The following MYORG variants were observed in gnomAD, a reference collection of about 807,000 sequenced individuals.
MYORG encodes alpha-galactosidase MYORG.
Under a neutral mutation model 49.8 loss-of-function variants are expected in MYORG, and 45 were observed. The observed-to-expected ratio is 0.90, with a 90% CI of 0.71 to 1.16. The LOEUF (loss-of-function observed/expected upper bound fraction) is 1.16, where lower values mean the gene tolerates loss of function less well. Ranked by LOEUF, MYORG falls within the 50% of genes most tolerant of loss-of-function variation. The pLI is 0.00. For missense variants in MYORG, 1,110 were observed against 1,026.5 expected (o/e 1.08, Z -1.11); for synonymous variants, 552 against 462.9 (o/e 1.19, Z -2.47).
In MYORG at chr9:34,369,209, C is replaced by T. The variant is rs1369549198; in HGVS notation, c.*1590G>A. Reference sequence around the variant, plus strand: ...GTTTTAGGTGGGGACACAGCCAAACCATATCAGGTGGGGAAACGGATGCAT... The same window carrying T: ...GTTTTAGGTGGGGACACAGCCAAACTATATCAGGTGGGGAAACGGATGCAT... On this transcript the variant is annotated 3_prime_UTR_variant, in exon 2 of 2. Transcript: ENST00000297625. 2.6e-5 allele frequency: 4 copies of T among 152,142 alleles called. No homozygotes were observed. The highest frequency in any genetic ancestry group is 9.7e-5 in the African/African-American group (4 of 41,408). 9.4% of individuals were successfully genotyped at this position (152,142 alleles called of 1,614,324 possible).
rs746522463 is a variant in MYORG at position 34,368,163 on chromosome 9, T to C, written c.*2636A>G. ...GCTGGGATGCATGGTACCAAGTCCC[T>C]GGGCTGCACACAGCAAGGGGACCTT... is the stretch of plus-strand genomic sequence containing the variant. On this transcript the variant is annotated 3_prime_UTR_variant, in exon 2 of 2. Transcript: ENST00000297625. 2.0e-5 allele frequency: 3 copies of C among 152,290 alleles called. No homozygotes were observed. In the East Asian group the frequency reaches 5.8e-4, roughly 29 times the overall value. 9.4% of individuals were successfully genotyped at this position (152,290 alleles called of 1,614,324 possible). A position where few individuals can be genotyped will look rare whatever the true frequency, so the allele number is the denominator to read the frequency against.
In MYORG at chr9:34,372,551, CAGGGCGCCATCGCGGCTGCA is replaced by C; in HGVS notation, c.373_392del (p.Cys125AlafsTer110). The C allele has an allele frequency of 1.2e-6, 2 of 1,602,288 alleles. No individual in the cohort carries two copies. Among genetic ancestry groups the C allele is most frequent in the Non-Finnish European group, 1.7e-6 (2 of 1,175,242 alleles). ...CGTCGGCCGTGAGCGAGCAGCCCAG[CAGGGCGCCATCGCGGCTGCA>C]GGAGTCAAGGTCCAGCGCGCCGGAG... On this transcript the variant is annotated frameshift_variant, in exon 2 of 2. Coordinates refer to ENST00000297625, the MANE Select transcript of MYORG (RefSeq NM_020702.5). LOFTEE classifies it high-confidence loss of function.
At chr9:34,374,216 G>T (rs564174575) in intron 1 of MYORG, among the ~76,000 whole-genome samples, 16 of 152,258 alleles carry the variant, frequency 1.1e-4, no homozygotes, top group Admixed American at 5.9e-4. Flanking sequence ...AGGCCTCTCT[G>T]ACTCTAACTT....
chr9:34,370,602 T>C lies in MYORG; in HGVS notation c.*197A>G. 2 of 941,054 alleles carry C rather than the reference T, an allele frequency of 2.1e-6. No homozygotes were observed. The highest frequency in any genetic ancestry group is 1.7e-5 in the African/African-American group (1 of 60,550). 58.3% of individuals were successfully genotyped at this position (941,054 alleles called of 1,614,324 possible). ...AAAGGGCACAGTAAGGATTGTGCGT[T>C]GGAGCAGGAGATTGCTTCAGTGCCC... On this transcript the variant is annotated 3_prime_UTR_variant, in exon 2 of 2. Transcript: ENST00000297625.
rs1238462804 is a variant in MYORG at position 34,372,071 on chromosome 9, G to A, written c.873C>T (p.Ser291=). ...AGCGACGCACCATGTACTTGTGGAT[G>A]GAGGTGACGTCTGAGCCCACGCACA... ...YRVCVGSDVT[S]IHKYMVRRYF... is the part of the protein sequence containing the mutation. Residue 291 remains serine, a synonymous_variant, in exon 2 of 2, where the codon TCC becomes TCT. Coordinates refer to ENST00000297625, the MANE Select transcript of MYORG (RefSeq NM_020702.5). 6.2e-7 allele frequency: 1 copy of A among 1,613,726 alleles called. No individual in the cohort carries two copies. Among genetic ancestry groups the A allele is most frequent in the South Asian group, 1.1e-5 (1 of 91,090 alleles).
In MYORG at chr9:34,371,496, G is replaced by A; in HGVS notation, c.1448C>T (p.Pro483Leu). ...DFSTYRPLPDPSVWSRRYTEM... is the reference protein window; with the variant it reads ...DFSTYRPLPDLSVWSRRYTEM... ...AGTGTAGCGCCGGCTCCAGACGCTG[G>A]GGTCCGGCAGCGGCCGGTAGGTGCT... The change falls in exon 2 of 2, where the codon CCC becomes CTC. Residue 483 changes from proline (P) to leucine (L), a missense_variant. By Grantham distance (98) the Pro-to-Leu change is moderately conservative. Coordinates refer to ENST00000297625, the MANE Select transcript of MYORG (RefSeq NM_020702.5). 1 of 1,611,180 alleles carries A rather than the reference G, an allele frequency of 6.2e-7. No homozygotes were observed. The highest frequency in any genetic ancestry group is 8.5e-7 in the Non-Finnish European group (1 of 1,179,708).
rs1431335766 is a variant in MYORG at position 34,372,726 on chromosome 9, A to T, written c.218T>A (p.Val73Glu). The change falls in exon 2 of 2, where the codon GTG becomes GAG. Residue 73 changes from valine (V) to glutamate (E), a missense_variant. Val to Glu is a moderately radical substitution (Grantham distance 121). Coordinates refer to ENST00000297625, the MANE Select transcript of MYORG (RefSeq NM_020702.5). ...LGLLLVLAAV[V>E]AWCYYSVSLR... ...GGAGACGCTGTAGTAGCACCAGGCC[A>T]CCACCGCGGCCAGCACAAGCAGCAG... 3 of 1,613,332 alleles carry T rather than the reference A, an allele frequency of 1.9e-6. No individual in the cohort carries two copies. Among genetic ancestry groups the T allele is most frequent in the Non-Finnish European group, 1.7e-6 (2 of 1,179,644 alleles).
Position 34,372,032 on chromosome 9 carries a change from C to A in MYORG, c.912G>T (p.Pro304=). 6.2e-7 allele frequency: 1 copy of A among 1,613,976 alleles called. No individual in the cohort carries two copies. Among genetic ancestry groups the A allele is most frequent in the Non-Finnish European group, 8.5e-7 (1 of 1,179,872 alleles). ...AGGCCTCGGGTGCTGGCACCCTTGA[C>A]GGCTTGTTGAAGTAGCGACGCACCA... ...KYMVRRYFNK[P]SRVPAPEAFR... is the part of the protein sequence containing the mutation. Residue 304 remains proline (P), a synonymous_variant, in exon 2 of 2, where the codon CCG becomes CCT. Coordinates refer to ENST00000297625, the MANE Select transcript of MYORG (RefSeq NM_020702.5).
In MYORG at chr9:34,371,004, G is replaced by A. The variant is rs1434900067; in HGVS notation, c.1940C>T (p.Ala647Val). 3 of 1,613,390 alleles carry A rather than the reference G, an allele frequency of 1.9e-6. No homozygotes were observed. Among genetic ancestry groups the A allele is most frequent in the South Asian group, 1.1e-5 (1 of 91,090 alleles). The change falls in exon 2 of 2, where the codon GCT becomes GTT. Residue 647 changes from alanine (A) to valine (V), a missense_variant. Physicochemically the swap from Ala to Val is moderately conservative, Grantham distance 64 (BLOSUM62 0). Transcript: ENST00000297625. Reference protein sequence around the residue: ...LWWIAPGDETAHRIDSQFLIG... With the variant: ...LWWIAPGDETVHRIDSQFLIG... ...AAGGAACTGCGAGTCGATACGGTGA[G>A]CTGTCTCGTCGCCGGGCGCAATCCA... is the stretch of plus-strand genomic sequence containing the variant.
At position 34,372,348 on chromosome 9, in the gene MYORG, C is replaced by A. The variant is rs754820750; in HGVS notation, c.596G>T (p.Arg199Leu). 1.3e-6 allele frequency: 2 copies of A among 1,599,696 alleles called. No homozygotes were observed. Among genetic ancestry groups the A allele is most frequent in the Admixed American group, 1.7e-5 (1 of 58,026 alleles). ...AEMRTQHWPI[R>L]LDGQQEPQPF... ...CTGGGGCTCCTGCTGGCCATCCAGG[C>A]GGATGGGCCAGTGTTGCGTCCTCAT... The change falls in exon 2 of 2, where the codon CGC becomes CTC. Residue 199 changes from arginine to leucine, a missense_variant. Arg to Leu is a moderately radical substitution (Grantham distance 102). Coordinates refer to ENST00000297625, the MANE Select transcript of MYORG (RefSeq NM_020702.5).
Position 34,372,209 on chromosome 9 carries a change from G to C in MYORG, c.735C>G (p.Phe245Leu). 2.5e-6 allele frequency: 4 copies of C among 1,611,966 alleles called. No individual in the cohort carries two copies. Among genetic ancestry groups the C allele is most frequent in the Non-Finnish European group, 3.4e-6 (4 of 1,179,342 alleles). Residue 245 changes from phenylalanine to leucine, a missense_variant, in exon 2 of 2, where the codon TTC becomes TTG. Coordinates refer to ENST00000297625, the MANE Select transcript of MYORG (RefSeq NM_020702.5). ...GCTCCGTGCTGTTCCAGCCCAGGTG[G>C]AAGGGCACTGAGTCATTGACTTTGA... ...AAIKVNDSVP[F>L]HLGWNSTERS...
In MYORG at chr9:34,372,864, G is replaced by A. The variant is rs748847692; in HGVS notation, c.80C>T (p.Pro27Leu). 2.5e-6 allele frequency: 4 copies of A among 1,614,026 alleles called. No homozygotes were observed. The highest frequency in any genetic ancestry group is 1.7e-5 in the Admixed American group (1 of 60,032). ...CATAGCTGCGGCTGCGATGGCCTCG[G>A]GGTTCTGACGGTATGCGTAGCAGCC... ...RPGCYAYRQN[P>L]EAIAAAAMYT... is the part of the protein sequence containing the mutation. The change falls in exon 2 of 2, where the codon CCC (proline) becomes CTC (leucine). Residue 27 changes from proline to leucine, a missense_variant. By Grantham distance (98) the Pro-to-Leu change is moderately conservative. Coordinates refer to ENST00000297625, the MANE Select transcript of MYORG (RefSeq NM_020702.5).
chr9:34,371,571 G>C lies in MYORG; in HGVS notation c.1373C>G (p.Ala458Gly), dbSNP rs540930709. The change falls in exon 2 of 2, where the codon GCT (alanine) becomes GGT (glycine). Residue 458 changes from alanine to glycine, a missense_variant. Physicochemically the swap from Ala to Gly is moderately conservative, Grantham distance 60 (BLOSUM62 0). Transcript: ENST00000297625. Reference protein sequence around the residue: ...LRRLRSRYSVASFKFDAGEVS... With the variant: ...LRRLRSRYSVGSFKFDAGEVS... Reference sequence around the variant, plus strand: ...CTCGCCCGCGTCGAACTTGAAGGAAGCCACGGAGTAGCGAGAGCGCAGCCG... The same window carrying C: ...CTCGCCCGCGTCGAACTTGAAGGAACCCACGGAGTAGCGAGAGCGCAGCCG... 11 of 1,604,992 alleles carry C rather than the reference G, an allele frequency of 6.9e-6. No homozygotes were observed. The East Asian group carries it at 2.5e-4, about 36-fold the overall frequency.
Position 34,372,252 on chromosome 9 carries a change from G to A in MYORG, c.692C>T (p.Ser231Phe), listed in dbSNP as rs1204461478. 6.2e-6 allele frequency: 10 copies of A among 1,610,968 alleles called. No individual in the cohort carries two copies. The highest frequency in any genetic ancestry group is 1.3e-5 in the African/African-American group (1 of 75,038). ...FGGILERYWL[S>F]SRAAAIKVND... Reference sequence around the variant, plus strand: ...GACTTTGATGGCGGCCGCGCGCGAAGATAGCCAGTAGCGCTCGAGGATGCC... The same window carrying A: ...GACTTTGATGGCGGCCGCGCGCGAAAATAGCCAGTAGCGCTCGAGGATGCC... The change falls in exon 2 of 2, where the codon TCT (serine) becomes TTT (phenylalanine). Residue 231 changes from serine to phenylalanine, a missense_variant. Physicochemically the swap from Ser to Phe is radical, Grantham distance 155. Coordinates refer to ENST00000297625, the MANE Select transcript of MYORG (RefSeq NM_020702.5).
rs1477853498 is a variant in MYORG, at chr9:34,372,954, C to T, written c.-11G>A. The T allele has an allele frequency of 1.2e-6, 2 of 1,610,592 alleles. No homozygotes were observed. Among genetic ancestry groups the T allele is most frequent in the Admixed American group, 1.7e-5 (1 of 59,846 alleles). On this transcript the variant is annotated 5_prime_UTR_variant, in exon 2 of 2. An upstream open reading frame in the 5' UTR loses its in-frame stop. Coordinates refer to ENST00000297625, the MANE Select transcript of MYORG (RefSeq NM_020702.5). ...AGGGTTCTGGAGCATTAGTGGGCTG[C>T]TAAGAAAGGAGCGGGCCGTGGGGCC... is the stretch of plus-strand genomic sequence containing the variant.
Position 34,372,803 on chromosome 9 carries a change from C to T in MYORG, c.141G>A (p.Lys47=), listed in dbSNP as rs1820652785. 5 of 1,614,026 alleles carry T rather than the reference C, an allele frequency of 3.1e-6. No homozygotes were observed. Among genetic ancestry groups the T allele is most frequent in the Non-Finnish European group, 4.2e-6 (5 of 1,179,888 alleles). The change falls in exon 2 of 2, where the codon AAG becomes AAA. Residue 47 remains lysine (K), a synonymous_variant. Transcript: ENST00000297625. ...TFLPDNFSPA[K]PKPSKDLKPL... ...GCTTCAGGTCTTTGGAAGGCTTGGGCTTGGCAGGTGAGAAGTTGTCGGGCA... is the reference window on the plus strand; with the variant it reads ...GCTTCAGGTCTTTGGAAGGCTTGGGTTTGGCAGGTGAGAAGTTGTCGGGCA...
intron 1 of MYORG, among the ~76,000 whole-genome samples, chr9:34,373,440 G>T (rs990146275): frequency 3.3e-5 from 5 of 152,066 alleles, no homozygotes; most frequent in African/African-American, 1.2e-4. Flanking sequence ...AGGGGGTATT[G>T]TCCAGCCAGC....
In MYORG at chr9:34,371,537, G is replaced by A. The variant is rs760897169; in HGVS notation, c.1407C>T (p.Tyr469=). 2.5e-6 allele frequency: 4 copies of A among 1,607,024 alleles called. No individual in the cohort carries two copies. Among genetic ancestry groups the A allele is most frequent in the Non-Finnish European group, 3.4e-6 (4 of 1,179,364 alleles). ...GGTAGGTGCTGAAGTCCCGCGGCAG[G>A]TAGCTGACCTCGCCCGCGTCGAACT... ...SFKFDAGEVS[Y]LPRDFSTYRP... The change falls in exon 2 of 2, where the codon TAC becomes TAT. Residue 469 remains tyrosine (Y), a synonymous_variant. Coordinates refer to ENST00000297625, the MANE Select transcript of MYORG (RefSeq NM_020702.5).
At chr9:34,374,478 T>C (rs1252586115) in intron 1 of MYORG, among the ~76,000 whole-genome samples, 1 of 152,076 alleles carries the variant, frequency 6.6e-6, no homozygotes, top group Non-Finnish European at 1.5e-5. Flanking sequence ...GCCACCTGCT[T>C]CAGGAGATTT....
Sources: gnomAD v4.1 joint callset for allele counts (sites outside exome capture counted in the v4.1 genomes callset) on GRCh38, gnomAD v4.1.1 for gene constraint, MANE v1.5 for transcripts, NCBI Gene and HGNC (gene_info 2026-07-23, HGNC 2026-07-21) for gene names.